Variants in ERLIN1 observed in about 807,000 individuals in gnomAD.
The protein encoded by ERLIN1 is ER lipid raft associated 1.
Under a neutral mutation model 46.9 loss-of-function variants are expected in ERLIN1, and 24 were observed. The ratio of observed to expected loss-of-function variants is 0.51; its 90% CI spans 0.37 to 0.72. The LOEUF is 0.72. ERLIN1 is among the 30% of genes least tolerant of loss of function. The probability of loss-of-function intolerance (pLI) is 0.00; values close to 1 mark genes in which losing one functional copy is unlikely to be tolerated. For synonymous variants in ERLIN1, 158 were observed against 143.2 expected (o/e 1.10, Z -0.74); for missense variants, 293 against 417.9 (o/e 0.70, Z 2.61).
At chr10:100,154,971 C>A (rs1842995945) in intron 9 of ERLIN1, 32 bp from the exon 10 acceptor site, 1 of 1,563,966 alleles carries the variant, frequency 6.4e-7, no homozygotes, top group Admixed American at 1.7e-5. Context: ...GGTGTCAATC[C>A]ATTCCCTCAG....
intron 8 of ERLIN1, among the ~76,000 whole-genome samples, chr10:100,158,173 T>C (rs111371807): frequency 1.4e-3 from 208 of 152,298 alleles, no homozygotes; most frequent in African/African-American, 4.8e-3. Context: ...CTGAGACCTC[T>C]AGAGGGCTGC....
Position 100,185,790 on chromosome 10 carries a change from C to A in ERLIN1, c.-164G>T. The A allele has an allele frequency of 1.6e-6, 1 of 612,442 alleles. No homozygotes were observed. Among genetic ancestry groups the A allele is most frequent in the Non-Finnish European group, 2.9e-6 (1 of 342,706 alleles). The allele number at this position is 612,442 out of a possible 1,614,324, so 37.9% of individuals were successfully genotyped here. A position where few individuals can be genotyped will look rare whatever the true frequency, so the allele number is the denominator to read the frequency against. ...CCCTCATTCTTCCCTTCTGGCTGAG[C>A]CCGCTGACCCCTTGCCAACTCCTCC... On this transcript the variant is annotated 5_prime_UTR_variant, in exon 1 of 11. Transcript: ENST00000421367.
At chr10:100,176,594 C>T (rs1186515834) in intron 4 of ERLIN1, among the ~76,000 whole-genome samples, 1 of 152,174 alleles carries the variant, frequency 6.6e-6, no homozygotes, top group Non-Finnish European at 1.5e-5. Flanking sequence ...GTTGTTAAAA[C>T]ATTAACTGAG....
chr10:100,167,428 G>A (rs1169212652), intron 6 of ERLIN1, 22 bp from the exon 7 acceptor site: 1 of 1,594,770 alleles, frequency 6.3e-7, no homozygotes, highest in Non-Finnish European at 8.6e-7. Flanking sequence ...AAGTGAAAAA[G>A]CCAAAGTATA....
chr10:100,174,403 A>T (rs1252380297), intron 5 of ERLIN1, 122 bp from the exon 6 acceptor site: 1 of 669,328 alleles, frequency 1.5e-6, no homozygotes, highest in East Asian at 2.8e-5. Context: ...TCTTTTACAG[A>T]GCTTAAACTG....
Position 100,150,990 on chromosome 10 carries a change from G to A in ERLIN1, c.*1141C>T, listed in dbSNP as rs1842775333. On this transcript the variant is annotated 3_prime_UTR_variant, in exon 11 of 11. Coordinates refer to ENST00000421367, the MANE Select transcript of ERLIN1 (RefSeq NM_006459.4). ...TTGGATTTAAGCATCTCTGGGCCAG[G>A]TGGGAAGGAGACAATGATGACCAAG... 6.6e-6 allele frequency: 1 copy of A among 152,384 alleles called. No individual in the cohort carries two copies. Among genetic ancestry groups the A allele is most frequent in the Non-Finnish European group, 1.5e-5 (1 of 68,052 alleles). 9.4% of individuals were successfully genotyped at this position (152,384 alleles called of 1,614,324 possible).
chr10:100,178,949 G>GTGC (rs148344518), intron 3 of ERLIN1, among the ~76,000 whole-genome samples: 1,799 of 152,300 alleles, frequency 0.012, 33 homozygotes, highest in African/African-American at 0.041. Context: ...AGATGCAGCA[G>GTGC]TGCTAATACA....
intron 8 of ERLIN1, among the ~76,000 whole-genome samples, chr10:100,162,080 G>A (rs1360293715): frequency 2.0e-5 from 3 of 152,054 alleles, no homozygotes; most frequent in Admixed American, 6.5e-5. Flanking sequence ...ACACATATAT[G>A]TATATCGAAG....
chr10:100,152,402 A>G (rs1426978359), intron 10 of ERLIN1, 50 bp from the exon 11 acceptor site: 4 of 1,024,228 alleles, frequency 3.9e-6, no homozygotes, highest in Admixed American at 1.7e-5. Context: ...CTGGTGCAAC[A>G]GTCTTCTCTC....
chr10:100,161,701 A>G (rs936463918), intron 8 of ERLIN1, among the ~76,000 whole-genome samples: 11 of 152,324 alleles, frequency 7.2e-5, no homozygotes, highest in African/African-American at 2.6e-4. Context: ...TACAATAATT[A>G]AAACAAATTA....
chr10:100,162,700 A>G (rs1448619982), intron 8 of ERLIN1, among the ~76,000 whole-genome samples: 1 of 152,226 alleles, frequency 6.6e-6, no homozygotes, highest in Non-Finnish European at 1.5e-5. Context: ...AAATTAAAAA[A>G]CAAAAACATA....
intron 2 of ERLIN1, 105 bp downstream of exon 2, chr10:100,183,651 C>A (rs1844788287): frequency 3.0e-6 from 2 of 674,460 alleles, no homozygotes; most frequent in African/African-American, 3.6e-5. Flanking sequence ...AAGTAAATAC[C>A]ACCATCTGCT....
chr10:100,161,303 A>G (rs1184112405), intron 8 of ERLIN1, among the ~76,000 whole-genome samples: 1 of 152,212 alleles, frequency 6.6e-6, no homozygotes, highest in Non-Finnish European at 1.5e-5. Flanking sequence ...TCAACAGCAT[A>G]CTTATACAAA....
intron 2 of ERLIN1, among the ~76,000 whole-genome samples, chr10:100,181,396 T>C (rs1844634103): frequency 6.6e-6 from 1 of 152,228 alleles, no homozygotes; most frequent in South Asian, 2.1e-4. Flanking sequence ...TTCACATTTA[T>C]ATACATTCCT....
intron 6 of ERLIN1, among the ~76,000 whole-genome samples, chr10:100,173,009 G>T (rs988945064): frequency 1.3e-5 from 2 of 152,142 alleles, no homozygotes; most frequent in African/African-American, 4.8e-5. Flanking sequence ...GTTACCTCTG[G>T]ACATTTCAAA....
At chr10:100,175,661 G>C (rs1369991184) in intron 5 of ERLIN1, among the ~76,000 whole-genome samples, 1 of 152,036 alleles carries the variant, frequency 6.6e-6, no homozygotes, top group African/African-American at 2.4e-5. Flanking sequence ...CAAGACACAG[G>C]TTTCTAAATT....
intron 6 of ERLIN1, among the ~76,000 whole-genome samples, chr10:100,173,231 T>C (rs1212113215): frequency 2.6e-5 from 4 of 152,126 alleles, no homozygotes; most frequent in Admixed American, 1.3e-4. Context: ...GTAATGTTCA[T>C]CACAACAATC....
intron 2 of ERLIN1, 97 bp from the exon 3 acceptor site, chr10:100,179,344 G>C: frequency 1.3e-6 from 1 of 741,716 alleles, no homozygotes; most frequent in East Asian, 2.8e-5. Flanking sequence ...CTGACAGTAA[G>C]TACAGCAGAG....
intron 1 of ERLIN1, 110 bp downstream of exon 1, chr10:100,185,404 G>A: frequency 1.2e-6 from 1 of 826,754 alleles, no homozygotes; most frequent in Non-Finnish European, 2.0e-6. Context: ...TCTCCCTAGA[G>A]ATGGGACATG....
Sources: allele counts gnomAD v4.1 joint callset (sites outside exome capture counted in the v4.1 genomes callset), GRCh38; gene constraint gnomAD v4.1.1; transcripts MANE v1.5; gene names NCBI Gene and HGNC (gene_info 2026-07-23, HGNC 2026-07-21).